The following UTP6 variants were observed in gnomAD, a reference collection of about 807,000 sequenced individuals.
UTP6 encodes the protein UTP6 small subunit processome component.
In UTP6, 60 loss-of-function variants were observed where a neutral mutation model predicts 96.5. The ratio of observed to expected loss-of-function variants is 0.62; its 90% CI spans 0.51 to 0.77. The LOEUF is 0.77. UTP6 is among the 30% of genes least tolerant of loss of function. The probability of loss-of-function intolerance (pLI) is 0.00; values close to 1 mark genes in which losing one functional copy is unlikely to be tolerated. For missense variants in UTP6, 637 were observed against 706.5 expected (o/e 0.90, Z 1.12); for synonymous variants, 215 against 240.1 (o/e 0.90, Z 0.96).
chr17:31,881,220 T>G (rs1443953165), intron 10 of UTP6, among the ~76,000 whole-genome samples: 2 of 150,964 alleles, frequency 1.3e-5, no homozygotes, highest in African/African-American at 2.4e-5. Context: ...ATATGTTCAC[T>G]AACTGTAGAA....
Position 31,894,999 on chromosome 17 carries a change from G to A in UTP6, c.190C>T (p.Leu64Phe). The A allele has an allele frequency of 6.5e-7, 1 of 1,540,672 alleles. No homozygotes were observed. The highest frequency in any genetic ancestry group is 8.8e-7 in the Non-Finnish European group (1 of 1,139,866). ...FINYVQYEIN[L>F]LELIQRRRTR... ...CTTCTTCTCTGGATCAGCTCCAAAA[G>A]ATTAATTTCATACTATGAAAGAAAA... The change falls in exon 3 of 19, where the codon CTT becomes TTT. Residue 64 changes from leucine (L) to phenylalanine (F), a missense_variant. Leu to Phe is a conservative substitution (Grantham distance 22). Coordinates refer to ENST00000261708, the MANE Select transcript of UTP6 (RefSeq NM_018428.3).
chr17:31,875,607 G>A lies in UTP6; in HGVS notation c.1126-194C>T, dbSNP rs982785115. 3.3e-5 allele frequency among the ~76,000 whole-genome samples: 5 copies of A among 151,916 alleles called. No individual in the cohort carries two copies. In the South Asian group the frequency reaches 8.3e-4, roughly 25 times the overall value. On this transcript the variant is annotated intron_variant, in intron 13 of 18. Coordinates refer to ENST00000261708, the MANE Select transcript of UTP6 (RefSeq NM_018428.3). ...TGGGAGGCCCAGGCGGGCACATCAC[G>A]AGCTCAGGAGATCAAGACCATCCCG...
chr17:31,890,139 T>G (rs1911404898), intron 6 of UTP6, among the ~76,000 whole-genome samples: 1 of 151,956 alleles, frequency 6.6e-6, no homozygotes, highest in Non-Finnish European at 1.5e-5. Context: ...TGGGACCACA[T>G]GCATACACCA....
rs1210039369 is a variant in UTP6, at chr17:31,892,303, G to A, written c.381C>T (p.Ser127=). 14 of 1,613,988 alleles carry A rather than the reference G, an allele frequency of 8.7e-6. No individual in the cohort carries two copies. The highest frequency in any genetic ancestry group is 1.3e-5 in the African/African-American group (1 of 74,944). Reference sequence around the variant, plus strand: ...TCGCCAACATGGCAGAGAATACCTTGCTAAGTCGAGTTTTAGTAGCCTGTA... The same window carrying A: ...TCGCCAACATGGCAGAGAATACCTTACTAAGTCGAGTTTTAGTAGCCTGTA... ...CKKWATKTRL[S]KVFSAMLAIH... The change falls in exon 6 of 19, where the codon AGC becomes AGT. Residue 127 remains serine, a synonymous_variant. Transcript: ENST00000261708.
intron 7 of UTP6, among the ~76,000 whole-genome samples, chr17:31,888,662 T>A (rs1425315755): frequency 6.6e-6 from 1 of 151,840 alleles, no homozygotes; most frequent in Non-Finnish European, 1.5e-5. Flanking sequence ...GCCACTACAC[T>A]CCAGCCTGGG....
rs570263018 is a variant in UTP6, at chr17:31,901,088, T to C, written c.92+448A>G. On this transcript the variant is annotated intron_variant, in intron 1 of 18. Transcript: ENST00000261708. ...TCTGGAGTAGCATATGAAACTGATT[T>C]CAATGGTCCCCACCTTCAAGTCTAG... Among the ~76,000 whole-genome samples, 8 of 152,284 alleles carry C rather than the reference T, an allele frequency of 5.3e-5. No homozygotes were observed. In the South Asian group the frequency reaches 1.7e-3, roughly 32 times the overall value.
chr17:31,872,128 G>C (rs1009281043), intron 16 of UTP6, among the ~76,000 whole-genome samples: 1 of 150,716 alleles, frequency 6.6e-6, no homozygotes, highest in Non-Finnish European at 1.5e-5. Flanking sequence ...CCGGGAGGCA[G>C]AAGTTGCAGT....
At chr17:31,875,522 TA>T in intron 13 of UTP6, 109 bp from the exon 14 acceptor site, 1 of 1,270,822 alleles carries the variant, frequency 7.9e-7, no homozygotes, top group Non-Finnish European at 1.1e-6. Flanking sequence ...ACCTTTCCAC[TA>T]CAATTTAAAA....
intron 17 of UTP6, among the ~76,000 whole-genome samples, chr17:31,867,784 C>T (rs531192265): frequency 1.3e-5 from 2 of 152,014 alleles, no homozygotes; most frequent in Non-Finnish European, 2.9e-5. Context: ...GGTAAAACCC[C>T]ATCTCTACTA....
chr17:31,891,955 G>A (rs1257731478), intron 6 of UTP6, among the ~76,000 whole-genome samples: 8 of 152,252 alleles, frequency 5.3e-5, no homozygotes, highest in Admixed American at 1.3e-4. Flanking sequence ...CCTGGGAGGC[G>A]GAGGTTGCAG....
chr17:31,864,090 TACTAA>T (rs954662472), intron 18 of UTP6, among the ~76,000 whole-genome samples: 1 of 151,994 alleles, frequency 6.6e-6, no homozygotes, highest in African/African-American at 2.4e-5. Context: ...AACTCAAAAA[TACTAA>T]ACTTTTTGGC....
rs1567793299 is a variant in UTP6, at chr17:31,894,751, T to TA, written c.220-15dup. ...ATATCCAATGCGCTAAAGGGGGACATAAAAAAACAGAGCCTCAACTTAATC... is the reference window on the plus strand; with the variant it reads ...ATATCCAATGCGCTAAAGGGGGACATAAAAAAAACAGAGCCTCAACTTAATC... On this transcript the variant is annotated splice_polypyrimidine_tract_variant and intron_variant, in intron 3 of 18. Transcript: ENST00000261708. 6.3e-7 allele frequency: 1 copy of TA among 1,595,698 alleles called. No individual in the cohort carries two copies. Among genetic ancestry groups the TA allele is most frequent in the Admixed American group, 1.7e-5 (1 of 58,244 alleles).
At chr17:31,878,640 T>C (rs932849403) in intron 12 of UTP6, 62 bp downstream of exon 12, 2 of 1,471,100 alleles carry the variant, frequency 1.4e-6, no homozygotes, top group African/African-American at 2.8e-5. Context: ...AGATCTGTGC[T>C]TCTGTTCTTT....
chr17:31,891,183 G>C (rs1345774295), intron 6 of UTP6, among the ~76,000 whole-genome samples: 1 of 152,084 alleles, frequency 6.6e-6, no homozygotes, highest in Non-Finnish European at 1.5e-5. Context: ...AGAAGGGTCA[G>C]CAATGGTGGC....
chr17:31,892,822 C>T (rs1904401774), intron 4 of UTP6, 28 bp from the exon 5 acceptor site: 1 of 1,613,422 alleles, frequency 6.2e-7, no homozygotes, highest in Non-Finnish European at 8.5e-7. Context: ...TAGTAAGCTG[C>T]CCAAATTTGA....
chr17:31,867,491 G>C (rs1377935376), intron 17 of UTP6, among the ~76,000 whole-genome samples: 19 of 147,222 alleles, frequency 1.3e-4, no homozygotes, highest in Non-Finnish European at 2.7e-4. Context: ...CTGGGCAACA[G>C]AGTAAGACTC....
At chr17:31,892,121 A>G (rs1904354138) in intron 6 of UTP6, 139 bp downstream of exon 6, 2 of 776,836 alleles carry the variant, frequency 2.6e-6, no homozygotes, top group Admixed American at 2.4e-5. Context: ...GCAGCTATTC[A>G]GTAAGAAAAA....
chr17:31,894,861 A>C (rs1008507859), intron 3 of UTP6, 109 bp downstream of exon 3: 2 of 1,268,598 alleles, frequency 1.6e-6, no homozygotes, highest in Middle Eastern at 1.8e-4. Flanking sequence ...CATTATAGGC[A>C]TATCACCACA....
rs771926093 is a variant in UTP6 at position 31,901,587 on chromosome 17, G to A, written c.41C>T (p.Pro14Leu). Residue 14 changes from proline (P) to leucine (L), a missense_variant, in exon 1 of 19, where the codon CCG (proline) becomes CTG (leucine). Coordinates refer to ENST00000261708, the MANE Select transcript of UTP6 (RefSeq NM_018428.3). ...IIQERIEDRL[P>L]ELEQLERIGL... is the part of the protein sequence containing the mutation. ...AATGCGCTCCAGCTGTTCCAATTCC[G>A]GGAGCCGATCTTCTATGCGTTCCTG... The A allele has an allele frequency of 1.2e-6, 2 of 1,613,906 alleles. No homozygotes were observed. The highest frequency in any genetic ancestry group is 1.7e-6 in the Non-Finnish European group (2 of 1,180,008).
Sources: gnomAD v4.1 joint callset for allele counts (sites outside exome capture counted in the v4.1 genomes callset) on GRCh38, gnomAD v4.1.1 for gene constraint, MANE v1.5 for transcripts, NCBI Gene and HGNC (gene_info 2026-07-23, HGNC 2026-07-21) for gene names.